The following STOX2 variants were observed in gnomAD, a reference collection of about 807,000 sequenced individuals.
STOX2 encodes the protein storkhead box 2, also known as storkhead-box protein 2.
In STOX2, 28 loss-of-function variants were observed where a neutral mutation model predicts 60.9. The ratio of observed to expected loss-of-function variants is 0.46; its 90% confidence interval spans 0.34 to 0.63. The LOEUF is 0.63. Among genes scored for constraint, STOX2 ranks in the 30% least tolerant of loss-of-function variants. The pLI is 0.01. For synonymous variants in STOX2, 472 were observed against 463.9 expected, an observed-to-expected ratio of 1.02 and a Z score of -0.22; for missense variants, 1,024 against 1,187.7, an observed-to-expected ratio of 0.86 and a Z score of 2.03.
chr4:183,798,970 T>C (rs1738698586), intron 1 of STOX2, among the ~76,000 whole-genome samples: 1 of 135,256 alleles, frequency 7.4e-6, no homozygotes, highest in Admixed American at 7.8e-5. Context: ...AAAGCATTCT[T>C]TCTAGTCCCG....
At chr4:183,963,060 C>T (rs114401393) in intron 1 of STOX2, among the ~76,000 whole-genome samples, 2,393 of 152,268 alleles carry the variant, frequency 0.016, 47 homozygotes, top group Middle Eastern at 0.044. Context: ...CTTCTACACT[C>T]ATTGGGGTAA....
In STOX2 at chr4:184,018,936, AAAAT is replaced by A. The variant is rs1317138465; in HGVS notation, c.*1657_*1660del. 6.6e-6 allele frequency: 1 copy of A among 152,218 alleles called. No individual in the cohort carries two copies. Among genetic ancestry groups the A allele is most frequent in the Non-Finnish European group, 1.5e-5 (1 of 68,038 alleles). The allele number at this position is 152,218 out of a possible 1,614,324, so 9.4% of individuals were successfully genotyped here. On this transcript the variant is annotated 3_prime_UTR_variant, in exon 4 of 4. Transcript: ENST00000308497. ...ATACACCATAAAATATATATATCCC[AAAAT>A]AAATCTAGAATATTTTCACCTCCAA... is the stretch of plus-strand genomic sequence containing the variant.
chr4:183,969,566 C>T (rs1397209483), intron 1 of STOX2, among the ~76,000 whole-genome samples: 1 of 152,134 alleles, frequency 6.6e-6, no homozygotes, highest in Admixed American at 6.5e-5. Flanking sequence ...CCATACCCCG[C>T]TAGATTTCTG....
In STOX2 at chr4:183,825,677, A is replaced by G. The variant is rs10020191; in HGVS notation, c.364+27622A>G. On this transcript the variant is annotated intron_variant, in intron 1 of 2. Coordinates refer to the STOX2 transcript ENST00000513034. The surrounding 1 kb of genome is among the most constrained non-coding windows in gnomAD (Gnocchi z 4.1). ...GGGCTTCCATTGTTATTTTCTGAGG[A>G]TAGCTTGACAGGACAGGGGCAACCT... is the stretch of plus-strand genomic sequence containing the variant. 0.89 allele frequency among the ~76,000 whole-genome samples: 135,754 copies of G among 152,134 alleles called. 62,614 individuals are homozygous for G. The highest frequency in any genetic ancestry group is 1 in the Non-Finnish European group (67,908 of 68,032).
At chr4:183,958,076 C>T (rs981989372) in intron 1 of STOX2, among the ~76,000 whole-genome samples, 1 of 151,490 alleles carries the variant, frequency 6.6e-6, no homozygotes, top group Non-Finnish European at 1.5e-5. Flanking sequence ...GTATTTACAA[C>T]CCAAGATCGT....
chr4:183,836,873 G>T lies in STOX2; in HGVS notation c.364+38818G>T, dbSNP rs1430840866. On this transcript the variant is annotated intron_variant, in intron 1 of 2. Transcript: ENST00000513034. This position sits in a 1 kb window ranked among gnomAD's most constrained non-coding sequence, Gnocchi z 4.1. Reference sequence around the variant, plus strand: ...GCTTCTAATTTGACTATACAGGTTTGGTACACCTTGGAATGGATTGTCTTT... The same window carrying T: ...GCTTCTAATTTGACTATACAGGTTTTGTACACCTTGGAATGGATTGTCTTT... Among the ~76,000 whole-genome samples, 1 of 152,148 alleles carries T rather than the reference G, an allele frequency of 6.6e-6. No homozygotes were observed. The highest frequency in any genetic ancestry group is 2.4e-5 in the African/African-American group (1 of 41,436).
chr4:183,879,771 G>A (rs1740912720), intron 1 of STOX2, among the ~76,000 whole-genome samples: 1 of 152,030 alleles, frequency 6.6e-6, no homozygotes, highest in Admixed American at 6.6e-5. Context: ...CAGCTTTGGA[G>A]GAGGCTTGGG....
chr4:183,828,390 A>T (rs1040249690), intron 1 of STOX2, among the ~76,000 whole-genome samples: 190 of 151,832 alleles, frequency 1.3e-3, no homozygotes, highest in Admixed American at 0.012. Context: ...GGCTCGGGGG[A>T]TGTGTTTAGA....
In STOX2 at chr4:184,011,479, T is replaced by C; in HGVS notation, c.2585+56T>C. ...GCGCCTAGCGGGGCCTGGGGCTTTA[T>C]GCACGTAACTTGACAAGTTTCTGAT... On this transcript the variant is annotated intron_variant, in intron 3 of 3. Transcript: ENST00000308497. The surrounding 1 kb of genome is among the most constrained non-coding windows in gnomAD (Gnocchi z 4.4). 1.3e-6 allele frequency: 2 copies of C among 1,586,870 alleles called. No homozygotes were observed. Among genetic ancestry groups the C allele is most frequent in the Non-Finnish European group, 1.7e-6 (2 of 1,164,704 alleles).
intron 1 of STOX2, among the ~76,000 whole-genome samples, chr4:183,927,393 T>C (rs1486786150): frequency 6.6e-6 from 1 of 152,250 alleles, no homozygotes; most frequent in Non-Finnish European, 1.5e-5. Flanking sequence ...TTTAATGTTA[T>C]GTGCTCCATA....
chr4:183,944,556 C>G (rs1429974913), intron 1 of STOX2, among the ~76,000 whole-genome samples: 1 of 152,102 alleles, frequency 6.6e-6, no homozygotes, highest in African/African-American at 2.4e-5. Flanking sequence ...TTTACTAAAG[C>G]TACAAAAGTT....
chr4:183,984,461 C>G (rs1333308665), intron 1 of STOX2, among the ~76,000 whole-genome samples: 1 of 152,168 alleles, frequency 6.6e-6, no homozygotes, highest in East Asian at 1.9e-4. Context: ...TGTCATTTGT[C>G]CATGAGAGAG....
Position 183,847,218 on chromosome 4 carries a change from A to G in STOX2, c.364+49163A>G, listed in dbSNP as rs936610778. Among the ~76,000 whole-genome samples the G allele has an allele frequency of 1.7e-4, 26 of 152,288 alleles. 3 individuals carry two copies. Among genetic ancestry groups the G allele is most frequent in the Admixed American group, 1.4e-3 (22 of 15,306 alleles). On this transcript the variant is annotated intron_variant, in intron 1 of 2. Coordinates refer to the STOX2 transcript ENST00000513034. ...AGAAGTGAGAGCTCAGTGCCATCTC[A>G]GGTCTATTCTGAGCATATGCCCTAC...
intron 1 of STOX2, among the ~76,000 whole-genome samples, chr4:183,807,078 T>C (rs1438115491): frequency 6.6e-6 from 1 of 152,132 alleles, no homozygotes; most frequent in Admixed American, 6.5e-5. Context: ...GTTCACGCCA[T>C]TCTCCTGCTT....
chr4:183,826,167 G>A (rs1224527111), intron 1 of STOX2, among the ~76,000 whole-genome samples: 2 of 152,122 alleles, frequency 1.3e-5, no homozygotes, highest in African/African-American at 4.8e-5. Context: ...GATGATTCCA[G>A]TGCAGTTGAT....
chr4:183,832,461 G>A (rs1018133083), intron 1 of STOX2, among the ~76,000 whole-genome samples: 1 of 148,392 alleles, frequency 6.7e-6, no homozygotes, highest in African/African-American at 2.5e-5. Context: ...AGATTCTGCA[G>A]CTTCTTAGTA....
chr4:183,968,224 A>T (rs1339730195), intron 1 of STOX2, among the ~76,000 whole-genome samples: 5 of 144,746 alleles, frequency 3.5e-5, no homozygotes, highest in Non-Finnish European at 6.2e-5. Flanking sequence ...TGTGTGGATC[A>T]CCATAGGTCG....
At chr4:183,805,638 A>C (rs1738872722) in intron 1 of STOX2, among the ~76,000 whole-genome samples, 1 of 152,112 alleles carries the variant, frequency 6.6e-6, no homozygotes. Context: ...GCAAGATCCC[A>C]TTTCTACAAA....
At chr4:183,803,385 T>TA (rs1277260214) in intron 1 of STOX2, among the ~76,000 whole-genome samples, 127 of 151,482 alleles carry the variant, frequency 8.4e-4, no homozygotes, top group African/African-American at 2.7e-3. Context: ...CTAGAATTAT[T>TA]AAAAAAAAAT....
Sources: gnomAD v4.1 joint callset for allele counts (sites outside exome capture counted in the v4.1 genomes callset) on GRCh38, gnomAD v4.1.1 for gene constraint, Gnocchi (gnomAD v3.1) non-coding constraint, MANE v1.5 for transcripts, NCBI Gene and HGNC (gene_info 2026-07-23, HGNC 2026-07-21) for gene names.